SPATA6L: variants seen among roughly 807,000 people sequenced by gnomAD.
The protein encoded by SPATA6L is spermatogenesis associated 6-like protein.
In SPATA6L, 68 loss-of-function variants were observed where a neutral mutation model predicts 49.2. That is an observed-to-expected ratio of 1.38 (90% CI 1.14 to 1.69). SPATA6L has a LOEUF of 1.69. Among genes scored for constraint, SPATA6L ranks in the 40% most tolerant of loss-of-function variants. SPATA6L has a pLI of 0.00. For synonymous variants in SPATA6L, 198 were observed against 165.7 expected (o/e 1.19, Z -1.50); for missense variants, 668 against 464.3 (o/e 1.44, Z -4.03).
In SPATA6L at chr9:4,628,019, A is replaced by G. The variant is rs12378927; in HGVS notation, c.429+1072T>C. On this transcript the variant is annotated intron_variant, in intron 5 of 11. Coordinates refer to ENST00000682582, the MANE Select transcript of SPATA6L (RefSeq NM_001353486.2). ...AGGCACAGAAAGACAAACTTTATAT[A>G]TTCTCACTTATTTGTGGGAGCTAAA... 4.4e-3 allele frequency: 1,570 copies of G among 354,788 alleles called. 7 individuals are homozygous for G. The highest frequency in any genetic ancestry group is 6.5e-3 in the Non-Finnish European group (1,190 of 183,178). The allele number at this position is 354,788 out of a possible 1,614,324, so 22.0% of individuals were successfully genotyped here. A position where few individuals can be genotyped will look rare whatever the true frequency, so the allele number is the denominator to read the frequency against.
At chr9:4,595,558 C>T (rs1011245951), downstream of SPATA6L, among the ~76,000 whole-genome samples, 16 of 152,112 alleles carry the variant, frequency 1.1e-4, no homozygotes, top group African/African-American at 3.9e-4. Context: ...CAGAAGATAC[C>T]CCAAAGGACA....
chr9:4,602,529 T>C (rs771084980), intron 11 of SPATA6L, among the ~76,000 whole-genome samples: 12 of 152,210 alleles, frequency 7.9e-5, no homozygotes, highest in Non-Finnish European at 1.8e-4. Context: ...TTCAGGAGCC[T>C]GACTACAGTG....
At chr9:4,589,365 T>A (rs1267828785) in intron 13 of SPATA6L, among the ~76,000 whole-genome samples, 1 of 152,132 alleles carries the variant, frequency 6.6e-6, no homozygotes, top group Admixed American at 6.5e-5. Context: ...GCAATTGCTG[T>A]TCCAGTATTT....
chr9:4,625,585 G>A lies in SPATA6L; in HGVS notation c.430-19C>T, dbSNP rs766332365. Reference sequence around the variant, plus strand: ...TTTCTTCCTGAAATAAACAAAAAAAGAATATTTTTTAAAATAAAGAAAGAA... The same window carrying A: ...TTTCTTCCTGAAATAAACAAAAAAAAAATATTTTTTAAAATAAAGAAAGAA... On this transcript the variant is annotated intron_variant, in intron 5 of 11. Coordinates refer to ENST00000682582, the MANE Select transcript of SPATA6L (RefSeq NM_001353486.2). 10 of 1,436,976 alleles carry A rather than the reference G, an allele frequency of 7.0e-6. No homozygotes were observed. Among genetic ancestry groups the A allele is most frequent in the Non-Finnish European group, 8.4e-6 (9 of 1,075,348 alleles). The allele number at this position is 1,436,976 out of a possible 1,614,324, so 89.0% of individuals were successfully genotyped here.
At chr9:4,650,265 G>C (rs1410829119) in intron 3 of SPATA6L, among the ~76,000 whole-genome samples, 3 of 152,082 alleles carry the variant, frequency 2.0e-5, no homozygotes, top group African/African-American at 7.2e-5. Context: ...CTTGTGTCTG[G>C]TCCTTTCTCT....
chr9:4,615,711 C>T (rs1387206482), intron 9 of SPATA6L, among the ~76,000 whole-genome samples: 1 of 152,146 alleles, frequency 6.6e-6, no homozygotes, highest in Non-Finnish European at 1.5e-5. Context: ...GTATGTCTGC[C>T]TTCCTGTCTA....
chr9:4,646,123 T>TACACACACACACAC (rs112163366), intron 3 of SPATA6L, among the ~76,000 whole-genome samples: 11 of 149,414 alleles, frequency 7.4e-5, no homozygotes, highest in Non-Finnish European at 1.0e-4. Flanking sequence ...CTTAGGGTTT[T>TACACACACACACAC]ACACACACAC....
At chr9:4,626,397 A>T (rs1156415627) in intron 5 of SPATA6L, 1 of 1,301,048 alleles carries the variant, frequency 7.7e-7, no homozygotes, top group East Asian at 5.5e-5. Flanking sequence ...CTCCTTTGAG[A>T]TCTGAGTTCC....
chr9:4,605,012 G>A (rs989514371), intron 10 of SPATA6L, among the ~76,000 whole-genome samples: 2 of 152,142 alleles, frequency 1.3e-5, no homozygotes, highest in Non-Finnish European at 2.9e-5. Flanking sequence ...GTGTGCAGGG[G>A]AAAGGAATGC....
At chr9:4,595,576 T>C (rs1822194525), downstream of SPATA6L, among the ~76,000 whole-genome samples, 2 of 152,200 alleles carry the variant, frequency 1.3e-5, no homozygotes, top group Admixed American at 6.5e-5. Flanking sequence ...ACATTTCCTC[T>C]TCTCTATATA....
chr9:4,605,803 G>T (rs1824667893), intron 9 of SPATA6L, among the ~76,000 whole-genome samples: 1 of 152,148 alleles, frequency 6.6e-6, no homozygotes, highest in Admixed American at 6.5e-5. Flanking sequence ...GGTTTTCGGG[G>T]AGAGCCAAGA....
At chr9:4,621,697 A>C (rs539721322) in intron 7 of SPATA6L, among the ~76,000 whole-genome samples, 19 of 152,336 alleles carry the variant, frequency 1.2e-4, no homozygotes, top group African/African-American at 4.6e-4. Context: ...TATGTTGGTC[A>C]GGCTAGTCTC....
At chr9:4,606,300 C>G (rs1276527413) in intron 9 of SPATA6L, among the ~76,000 whole-genome samples, 2 of 143,618 alleles carry the variant, frequency 1.4e-5, no homozygotes, top group Non-Finnish European at 3.0e-5. Context: ...CCCACCACAG[C>G]TCAAGGAGGC....
intron 3 of SPATA6L, chr9:4,646,610 A>C (rs1163547349): frequency 1.5e-6 from 1 of 682,894 alleles, no homozygotes; most frequent in Non-Finnish European, 2.3e-6. Context: ...AACTGTCATA[A>C]AACCCACTTA....
Position 4,629,769 on chromosome 9 carries a change from G to GTGTGTGTGTATATATA in SPATA6L, c.352-602_352-601insTATATATACACACACA, listed in dbSNP as rs1311805859. 2.4e-3 allele frequency among the ~76,000 whole-genome samples: 247 copies of GTGTGTGTGTATATATA among 101,888 alleles called. 1 individual carries two copies. The East Asian group carries it at 0.026, about 11-fold the overall frequency. The allele number at this position is 101,888 out of a possible 152,430, so 66.8% of individuals were successfully genotyped here. On this transcript the variant is annotated intron_variant, in intron 4 of 11. Coordinates refer to ENST00000682582, the MANE Select transcript of SPATA6L (RefSeq NM_001353486.2). ...GTGTTTTATATATGTGTGTGTGTGT[G>GTGTGTGTGTATATATA]TATATATATATATATATATATATAT...
At chr9:4,602,138 CG>C (rs1564103698) in intron 11 of SPATA6L, among the ~76,000 whole-genome samples, 1 of 143,224 alleles carries the variant, frequency 7.0e-6, no homozygotes, top group African/African-American at 2.8e-5. Flanking sequence ...AAAGAATTGA[CG>C]TTTTTTTTTT....
chr9:4,635,567 G>A (rs1244257352), intron 3 of SPATA6L, among the ~76,000 whole-genome samples, 168 bp from the exon 4 acceptor site: 1 of 152,018 alleles, frequency 6.6e-6, no homozygotes, highest in African/African-American at 2.4e-5. Flanking sequence ...TTTTTATCTC[G>A]TGGATAATTT....
chr9:4,628,063 C>T (rs1009339460), intron 5 of SPATA6L: 4 of 335,866 alleles, frequency 1.2e-5, no homozygotes, highest in African/African-American at 8.9e-5. Flanking sequence ...CAATTGAACT[C>T]ATGGAGACAG....
At chr9:4,611,580 T>C (rs1277702758) in intron 9 of SPATA6L, among the ~76,000 whole-genome samples, 1 of 137,728 alleles carries the variant, frequency 7.3e-6, no homozygotes, top group Non-Finnish European at 1.5e-5. Flanking sequence ...TTCTCACTCA[T>C]AGGTGGGAAT....
Sources: allele counts gnomAD v4.1 joint callset (sites outside exome capture counted in the v4.1 genomes callset), GRCh38; gene constraint gnomAD v4.1.1; transcripts MANE v1.5; gene names NCBI Gene and HGNC (gene_info 2026-07-23, HGNC 2026-07-21).